OR51B5: variants seen among roughly 807,000 people sequenced by gnomAD.
OR51B5 encodes olfactory receptor 51B5.
For missense variants in OR51B5, 456 were observed against 374.6 expected (o/e 1.22, Z -1.79); for synonymous variants, 186 against 144.8 (o/e 1.28, Z -2.04).
At chr11:5,435,262 A>G (rs1455593646) in intron 1 of OR51B5, among the ~76,000 whole-genome samples, 1 of 152,224 alleles carries the variant, frequency 6.6e-6, no homozygotes, top group East Asian at 1.9e-4. Context: ...GATCTCATGG[A>G]TATGAAGTGC....
chr11:5,496,190 A>T (rs958925578), intron 1 of OR51B5, among the ~76,000 whole-genome samples: 1 of 151,870 alleles, frequency 6.6e-6, no homozygotes, highest in Admixed American at 6.6e-5. Context: ...ATGGGTTCAC[A>T]TTCTCTCTTG....
chr11:5,480,769 A>G (rs1851405996), intron 1 of OR51B5, among the ~76,000 whole-genome samples: 1 of 147,286 alleles, frequency 6.8e-6, no homozygotes, highest in African/African-American at 2.5e-5. Context: ...AGAAGTGGAT[A>G]AATTCCTTGA....
chr11:5,456,649 G>C (rs1850965174), intron 1 of OR51B5: 1 of 152,102 alleles, frequency 6.6e-6, no homozygotes, highest in Admixed American at 6.5e-5. Flanking sequence ...TACATGTGCA[G>C]GTTTGTTACA....
At chr11:5,410,070 C>T (rs1417299917) in intron 1 of OR51B5, among the ~76,000 whole-genome samples, 1 of 152,068 alleles carries the variant, frequency 6.6e-6, no homozygotes, top group Non-Finnish European at 1.5e-5. Flanking sequence ...AAGAAGTTTT[C>T]AGATAAGCAA....
chr11:5,459,487 G>A (rs1590009222), intron 1 of OR51B5, among the ~76,000 whole-genome samples: 1 of 143,976 alleles, frequency 6.9e-6, no homozygotes, highest in Non-Finnish European at 1.5e-5. Flanking sequence ...AATGACTTTT[G>A]TCAGATGTAT....
intron 1 of OR51B5, among the ~76,000 whole-genome samples, chr11:5,480,064 T>C (rs1356565998): frequency 6.6e-6 from 1 of 151,968 alleles, no homozygotes; most frequent in Non-Finnish European, 1.5e-5. Context: ...TATACATTTT[T>C]TTCAGCACCA....
chr11:5,359,658 G>A (rs1849250747), intron 1 of OR51B5, among the ~76,000 whole-genome samples: 1 of 149,658 alleles, frequency 6.7e-6, no homozygotes. Flanking sequence ...AAGTTCATAT[G>A]GAACCAAAAA....
intron 1 of OR51B5, among the ~76,000 whole-genome samples, chr11:5,442,238 G>T (rs569378382): frequency 6.6e-6 from 1 of 151,960 alleles, no homozygotes; most frequent in African/African-American, 2.4e-5. Context: ...ATCAAACCAG[G>T]TATGCAGCTG....
At chr11:5,387,025 G>GA (rs1254867218) in intron 1 of OR51B5, among the ~76,000 whole-genome samples, 3 of 152,094 alleles carry the variant, frequency 2.0e-5, no homozygotes, top group Admixed American at 1.3e-4. Context: ...ATATGTAACG[G>GA]AGTTATCTGG....
chr11:5,352,010 G>C, intron 1 of OR51B5: 1 of 1,613,624 alleles, frequency 6.2e-7, no homozygotes, highest in Non-Finnish European at 8.5e-7. Context: ...CCCTACTGTC[G>C]ATCCCATGTA....
intron 1 of OR51B5, among the ~76,000 whole-genome samples, chr11:5,394,884 A>G (rs1050008342): frequency 6.6e-6 from 1 of 152,226 alleles, no homozygotes; most frequent in African/African-American, 2.4e-5. Flanking sequence ...TGATCTTTAC[A>G]TACTTGCTCA....
At chr11:5,384,897 C>G (rs1217187268) in intron 1 of OR51B5, among the ~76,000 whole-genome samples, 1 of 152,152 alleles carries the variant, frequency 6.6e-6, no homozygotes, top group Non-Finnish European at 1.5e-5. Context: ...TGGAAATGTT[C>G]TCTAGGGGTT....
intron 1 of OR51B5, among the ~76,000 whole-genome samples, chr11:5,428,007 A>G (rs1850474629): frequency 2.0e-5 from 3 of 152,108 alleles, no homozygotes; most frequent in African/African-American, 4.8e-5. Flanking sequence ...GTTAAAGAAC[A>G]TGTTCATGTA....
chr11:5,468,687 A>G (rs747943513), intron 1 of OR51B5: 20 of 456,476 alleles, frequency 4.4e-5, no homozygotes, highest in Non-Finnish European at 6.2e-5. Context: ...TAGATATGTG[A>G]CACACATGTG....
At chr11:5,454,380 G>C (rs1444737772) in intron 1 of OR51B5, 4 of 1,611,652 alleles carry the variant, frequency 2.5e-6, no homozygotes, top group Non-Finnish European at 3.4e-6. Flanking sequence ...CAAGACAAAG[G>C]AAATCCGCCG....
intron 1 of OR51B5, chr11:5,505,275 A>G: frequency 7.8e-7 from 1 of 1,290,138 alleles, no homozygotes; most frequent in Non-Finnish European, 1.0e-6. Flanking sequence ...CCTCAGACCT[A>G]TCTGGACTTC....
At chr11:5,477,625 C>A (rs1258590473) in intron 1 of OR51B5, among the ~76,000 whole-genome samples, 2 of 152,122 alleles carry the variant, frequency 1.3e-5, no homozygotes, top group Non-Finnish European at 2.9e-5. Context: ...TAGGGAGTGC[C>A]AGACAGTCGG....
chr11:5,375,023 CAT>C (rs1225304238), intron 1 of OR51B5, among the ~76,000 whole-genome samples: 2 of 151,428 alleles, frequency 1.3e-5, no homozygotes, highest in Non-Finnish European at 2.9e-5. Context: ...CTCCAAGACA[CAT>C]AATTGTCAGA....
chr11:5,454,107 T>C (rs772771038), intron 1 of OR51B5: 1 of 1,614,198 alleles, frequency 6.2e-7, no homozygotes. Context: ...TGTATCCACC[T>C]TTGGCATGGA....
Sources: gnomAD v4.1 joint callset for allele counts (sites outside exome capture counted in the v4.1 genomes callset) on GRCh38, gnomAD v4.1.1 for gene constraint, MANE v1.5 for transcripts, NCBI Gene and HGNC (gene_info 2026-07-23, HGNC 2026-07-21) for gene names.